DPP6: variants seen among roughly 807,000 people sequenced by gnomAD.
The protein encoded by DPP6 is dipeptidyl peptidase like 6.
DPP6 carries 69 observed loss-of-function variants against 122.6 expected under a neutral mutation model. The observed-to-expected ratio is 0.56, with a 90% CI of 0.46 to 0.69. The LOEUF is 0.69. DPP6 is among the 30% of genes least tolerant of loss of function. The pLI, the probability that DPP6 is intolerant of heterozygous loss-of-function variation, is 0.00. For missense variants in DPP6, 928 were observed against 1,116.9 expected, an observed-to-expected ratio of 0.83 and a Z score of 2.41; for synonymous variants, 418 against 433.1, an observed-to-expected ratio of 0.97 and a Z score of 0.43.
chr7:154,636,266 T>G (rs1333327575), intron 5 of DPP6, among the ~76,000 whole-genome samples: 2 of 152,286 alleles, frequency 1.3e-5, no homozygotes, highest in Admixed American at 1.3e-4. Flanking sequence ...CTCTTGCATC[T>G]GAAGAAGCCG....
chr7:154,076,574 G>A (rs910669422), intron 1 of DPP6, among the ~76,000 whole-genome samples: 5 of 150,540 alleles, frequency 3.3e-5, no homozygotes, highest in African/African-American at 1.2e-4. Flanking sequence ...AGTAATAATA[G>A]ATTAGTTTTA....
chr7:153,947,515 A>C (rs1450071613), intron 1 of DPP6, among the ~76,000 whole-genome samples: 1 of 152,210 alleles, frequency 6.6e-6, no homozygotes, highest in Non-Finnish European at 1.5e-5. Context: ...AATAAGAGAA[A>C]ATTACACAGA....
chr7:154,446,125 G>C lies in DPP6; in HGVS notation c.244-89G>C, dbSNP rs956771350. The C allele has an allele frequency of 2.6e-5, 21 of 798,492 alleles. No homozygotes were observed. In the African/African-American group the frequency reaches 3.3e-4, roughly 13 times the overall value. The allele number at this position is 798,492 out of a possible 1,614,324, so 49.5% of individuals were successfully genotyped here. A position where few individuals can be genotyped will look rare whatever the true frequency, so the allele number is the denominator to read the frequency against. ...GCCTCTTTCACTGTTTTGTATCTTGGTTCTTGATTTAAATGAAATATGTCT... is the reference window on the plus strand; with the variant it reads ...GCCTCTTTCACTGTTTTGTATCTTGCTTCTTGATTTAAATGAAATATGTCT... On this transcript the variant is annotated intron_variant, in intron 1 of 25. Transcript: ENST00000377770.
rs74379767 is a variant in DPP6 at position 154,649,536 on chromosome 7, C to T, written c.680+11663C>T. 2.2e-3 allele frequency among the ~76,000 whole-genome samples: 342 copies of T among 152,296 alleles called. 15 individuals carry two copies. The East Asian group carries it at 0.049, about 22-fold the overall frequency. Reference sequence around the variant, plus strand: ...ACCCCAGGACTGACTTTTTTGACCCCCTGCCCTCCGCCCGGTCACTGTGTA... The same window carrying T: ...ACCCCAGGACTGACTTTTTTGACCCTCTGCCCTCCGCCCGGTCACTGTGTA... On this transcript the variant is annotated intron_variant, in intron 6 of 25. Transcript: ENST00000377770.
At chr7:154,852,625 C>A (rs1802503411) in intron 16 of DPP6, among the ~76,000 whole-genome samples, 1 of 152,168 alleles carries the variant, frequency 6.6e-6, no homozygotes, top group African/African-American at 2.4e-5. Context: ...ATTCAAAACA[C>A]CCTTCTCAAT....
intron 5 of DPP6, among the ~76,000 whole-genome samples, chr7:154,594,942 A>G (rs1833004717): frequency 6.6e-6 from 1 of 152,114 alleles, no homozygotes; most frequent in South Asian, 2.1e-4. Flanking sequence ...GCCAGGGGCC[A>G]GGGTGTGTGT....
intron 1 of DPP6, among the ~76,000 whole-genome samples, chr7:154,127,498 T>C (rs955265531): frequency 6.6e-5 from 10 of 152,008 alleles, no homozygotes; most frequent in African/African-American, 1.9e-4. Context: ...GAGCTGTGCA[T>C]CCAAGTGAGC....
chr7:154,803,544 AAGC>A (rs1798506345), intron 13 of DPP6, among the ~76,000 whole-genome samples: 1 of 152,118 alleles, frequency 6.6e-6, no homozygotes, highest in Non-Finnish European at 1.5e-5. Context: ...AAGGCCTATA[AAGC>A]ATTGATTCTC....
intron 1 of DPP6, among the ~76,000 whole-genome samples, chr7:154,003,877 C>T (rs562835981): frequency 1.3e-5 from 2 of 152,222 alleles, no homozygotes; most frequent in Non-Finnish European, 2.9e-5. Flanking sequence ...GAACTTCCCC[C>T]TCATTTCTGT....
chr7:154,699,327 A>G (rs968267798), intron 7 of DPP6, among the ~76,000 whole-genome samples: 1 of 152,212 alleles, frequency 6.6e-6, no homozygotes, highest in African/African-American at 2.4e-5. Context: ...AAATTCATTC[A>G]CTTCTTTGCA....
chr7:154,681,179 C>G (rs1362282311), intron 7 of DPP6, among the ~76,000 whole-genome samples: 2 of 152,164 alleles, frequency 1.3e-5, no homozygotes, highest in African/African-American at 4.8e-5. Context: ...AGGGTTAAAA[C>G]CGGGCCTGAC....
intron 4 of DPP6, among the ~76,000 whole-genome samples, chr7:154,547,654 C>T (rs1298388581): frequency 1.3e-5 from 2 of 152,198 alleles, no homozygotes; most frequent in Non-Finnish European, 2.9e-5. Context: ...GTAGCACAAA[C>T]TGTCTTGGTA....
At chr7:154,378,654 T>A (rs1586104016) in intron 1 of DPP6, among the ~76,000 whole-genome samples, 1 of 152,204 alleles carries the variant, frequency 6.6e-6, no homozygotes, top group Non-Finnish European at 1.5e-5. Flanking sequence ...ATGAAGCCTC[T>A]ACCCTCATGA....
At chr7:154,724,235 T>C (rs2131353445) in intron 7 of DPP6, among the ~76,000 whole-genome samples, 1 of 152,168 alleles carries the variant, frequency 6.6e-6, no homozygotes, top group East Asian at 1.9e-4. Context: ...CTCCCCCTCC[T>C]CCCCAGAGAG....
chr7:153,840,805 C>T, the DPP6 span, among the ~76,000 whole-genome samples: 1 of 152,202 alleles, frequency 6.6e-6, no homozygotes, highest in Non-Finnish European at 1.5e-5. Flanking sequence ...TCAAAAGGAT[C>T]AGGGCATGGG....
At chr7:153,876,086 A>C in the DPP6 span, among the ~76,000 whole-genome samples, 1 of 152,094 alleles carries the variant, frequency 6.6e-6, no homozygotes, top group Non-Finnish European at 1.5e-5. Flanking sequence ...TAAAGGGTCT[A>C]TCTGACAAGA....
At chr7:154,703,179 T>A (rs981471176) in intron 7 of DPP6, among the ~76,000 whole-genome samples, 10 of 152,236 alleles carry the variant, frequency 6.6e-5, no homozygotes, top group Non-Finnish European at 2.9e-5. Context: ...GATATTACTG[T>A]TCAATCCCAG....
At chr7:154,523,476 T>C (rs1464758225) in intron 3 of DPP6, among the ~76,000 whole-genome samples, 1 of 152,184 alleles carries the variant, frequency 6.6e-6, no homozygotes, top group Non-Finnish European at 1.5e-5. Flanking sequence ...GGAACATCAT[T>C]GTATCTGACA....
intron 1 of DPP6, among the ~76,000 whole-genome samples, chr7:154,116,530 C>A (rs1173200127): frequency 2.0e-5 from 3 of 152,254 alleles, no homozygotes; most frequent in East Asian, 3.9e-4. Flanking sequence ...TTACTTTCCC[C>A]AATAAAACAA....
Sources: allele counts gnomAD v4.1 joint callset (sites outside exome capture counted in the v4.1 genomes callset), GRCh38; gene constraint gnomAD v4.1.1; transcripts MANE v1.5; gene names NCBI Gene and HGNC (gene_info 2026-07-23, HGNC 2026-07-21).